KYAT1: variants seen among roughly 807,000 people sequenced by gnomAD.
KYAT1 encodes kynurenine aminotransferase 1, also known as kynurenine--oxoglutarate transaminase 1.
In KYAT1, 47 loss-of-function variants were observed where a neutral mutation model predicts 52.4. That is an observed-to-expected ratio of 0.90 (90% CI 0.71 to 1.14). KYAT1 has a LOEUF of 1.14. Ranked by LOEUF, KYAT1 falls within the 50% of genes most tolerant of loss-of-function variation. KYAT1 has a pLI of 0.00. For synonymous variants in KYAT1, 212 were observed against 209.6 expected (o/e 1.01, Z -0.10); for missense variants, 480 against 557.9 (o/e 0.86, Z 1.41).
intron 1 of KYAT1, among the ~76,000 whole-genome samples, chr9:128,850,249 A>G (rs1157879932): frequency 1.3e-5 from 2 of 152,042 alleles, no homozygotes; most frequent in African/African-American, 4.8e-5. Context: ...AGGGAAAAGA[A>G]AGAGAGATCA....
chr9:128,836,102 G>A lies in KYAT1; in HGVS notation c.689-29C>T, dbSNP rs765514088. ...CCCAAGGCCGAACAGAACAGCTGCT[G>A]AGACTGGGGTGAGGGGGACGGGGGA... On this transcript the variant is annotated intron_variant, in intron 7 of 12. Transcript: ENST00000302586. The A allele has an allele frequency of 6.2e-6, 10 of 1,608,476 alleles. No individual in the cohort carries two copies. In the African/African-American group the frequency reaches 1.1e-4, roughly 17 times the overall value.
At chr9:128,851,722 A>G (rs1833976320) in intron 1 of KYAT1, among the ~76,000 whole-genome samples, 1 of 152,246 alleles carries the variant, frequency 6.6e-6, no homozygotes. Context: ...TGTGAAGAAG[A>G]GGCAGAGACA....
chr9:128,846,213 G>A (rs1833070832), intron 1 of KYAT1, among the ~76,000 whole-genome samples: 1 of 152,210 alleles, frequency 6.6e-6, no homozygotes, highest in African/African-American at 2.4e-5. Flanking sequence ...CAGATCACCT[G>A]AGGTCAGGAG....
intron 1 of KYAT1, among the ~76,000 whole-genome samples, chr9:128,850,041 T>A (rs901601318): frequency 1.3e-5 from 2 of 151,742 alleles, no homozygotes; most frequent in African/African-American, 4.8e-5. Context: ...TGTGCCACCA[T>A]GCCTGGCTAA....
At position 128,880,754 on chromosome 9, in the gene KYAT1, T is replaced by C. The variant is rs757482384; in HGVS notation, c.-7+1143A>G. Among the ~76,000 whole-genome samples the C allele has an allele frequency of 1.3e-3, 195 of 152,094 alleles. 1 individual carries two copies. Among genetic ancestry groups the C allele is most frequent in the Non-Finnish European group, 2.1e-3 (140 of 68,028 alleles). Reference sequence around the variant, plus strand: ...ACCGCGCCCGGCCCTGGCTATGATATTGCTAAGTTTCCTAACCTCTCTAAG... The same window carrying C: ...ACCGCGCCCGGCCCTGGCTATGATACTGCTAAGTTTCCTAACCTCTCTAAG... On this transcript the variant is annotated intron_variant, in intron 1 of 12. Transcript: ENST00000302586.
At chr9:128,866,876 A>C (rs1836466687) in intron 1 of KYAT1, among the ~76,000 whole-genome samples, 1 of 151,916 alleles carries the variant, frequency 6.6e-6, no homozygotes, top group African/African-American at 2.4e-5. Flanking sequence ...ACTGCACTCC[A>C]GTCTGGGTGA....
chr9:128,843,821 C>T (rs1832635551), intron 2 of KYAT1, among the ~76,000 whole-genome samples: 1 of 152,216 alleles, frequency 6.6e-6, no homozygotes, highest in Non-Finnish European at 1.5e-5. Context: ...TTGAGACCCC[C>T]TGTACAGATT....
chr9:128,866,585 C>A (rs919348000), intron 1 of KYAT1, among the ~76,000 whole-genome samples: 3 of 151,356 alleles, frequency 2.0e-5, no homozygotes, highest in Non-Finnish European at 4.4e-5. Context: ...GGCAACAGAG[C>A]GAGACTCTGT....
At chr9:128,837,994 AAC>A in intron 5 of KYAT1, 55 bp downstream of exon 5, 1 of 1,577,122 alleles carries the variant, frequency 6.3e-7, no homozygotes, top group Non-Finnish European at 8.7e-7. Flanking sequence ...CCCAGGGTCC[AAC>A]TCAGCCCACG....
chr9:128,854,428 G>A (rs1340403642), intron 1 of KYAT1, among the ~76,000 whole-genome samples: 1 of 152,180 alleles, frequency 6.6e-6, no homozygotes, highest in Non-Finnish European at 1.5e-5. Context: ...GTGATAACGT[G>A]GGGGAGAGGT....
chr9:128,845,355 G>C lies in KYAT1; in HGVS notation c.51C>G (p.Pro17=). The part of the protein sequence containing the change: ...ARRLDGIDYN[P]WVEFVKLASE... ...CCTCCCCAGCCCAGCTGGCTCACCA[G>C]GGGTTGTAGTCGATCCCGTCTAGCC... The change falls in exon 2 of 13, where the codon CCC becomes CCG. Residue 17 remains proline, a splice_region_variant and synonymous_variant. Transcript: ENST00000302586. The C allele has an allele frequency of 6.2e-7, 1 of 1,613,852 alleles. No individual in the cohort carries two copies. Among genetic ancestry groups the C allele is most frequent in the Non-Finnish European group, 8.5e-7 (1 of 1,179,990 alleles).
At position 128,859,309 on chromosome 9, in the gene KYAT1, T is replaced by C. The variant is rs542542848; in HGVS notation, c.-6-13898A>G. 6.4e-3 allele frequency among the ~76,000 whole-genome samples: 959 copies of C among 149,074 alleles called. 7 individuals are homozygous for C. The highest frequency in any genetic ancestry group is 9.4e-3 in the Admixed American group (142 of 15,040). Reference sequence around the variant, plus strand: ...CCAGGAGGCTGAACCTGCAGTGAGCTGAGATCGCGCCACTGCACTCCAGCC... The same window carrying C: ...CCAGGAGGCTGAACCTGCAGTGAGCCGAGATCGCGCCACTGCACTCCAGCC... On this transcript the variant is annotated intron_variant, in intron 1 of 12. Transcript: ENST00000302586.
intron 1 of KYAT1, among the ~76,000 whole-genome samples, chr9:128,846,058 G>A (rs955154006): frequency 6.6e-6 from 1 of 152,184 alleles, no homozygotes; most frequent in African/African-American, 2.4e-5. Context: ...AGGGTCCCGG[G>A]GTCCTGGCTC....
intron 1 of KYAT1, among the ~76,000 whole-genome samples, chr9:128,880,246 A>G (rs1838617208): frequency 6.6e-6 from 1 of 152,102 alleles, no homozygotes; most frequent in Non-Finnish European, 1.5e-5. Flanking sequence ...CTGGGCTCTG[A>G]CCTTCAACGT....
intron 1 of KYAT1, among the ~76,000 whole-genome samples, chr9:128,859,624 C>T (rs1036339517): frequency 1.3e-5 from 2 of 150,148 alleles, no homozygotes; most frequent in African/African-American, 2.4e-5. Flanking sequence ...GAGCCGAGAT[C>T]GTGCTGGTGA....
intron 1 of KYAT1, among the ~76,000 whole-genome samples, chr9:128,879,990 G>A (rs879219214): frequency 1.3e-5 from 2 of 152,124 alleles, no homozygotes; most frequent in African/African-American, 2.4e-5. Flanking sequence ...AGCCTTCCTA[G>A]GGAGGGAGGG....
chr9:128,850,604 T>C (rs1050102362), intron 1 of KYAT1, among the ~76,000 whole-genome samples: 3 of 152,290 alleles, frequency 2.0e-5, no homozygotes, highest in South Asian at 2.1e-4. Flanking sequence ...CCCCATGTGA[T>C]AGTCTGAAAT....
rs59228092 is a variant in KYAT1 at position 128,861,027 on chromosome 9, G to A, written c.-6-15616C>T. Among the ~76,000 whole-genome samples the A allele has an allele frequency of 7.3e-3, 1,116 of 152,304 alleles. 8 individuals carry two copies. Among genetic ancestry groups the A allele is most frequent in the African/African-American group, 0.019 (789 of 41,560 alleles). ...TGGGAATTACACACAGACCCTAAGGGAACACATTCTGTTGGAACAATGGGA... is the reference window on the plus strand; with the variant it reads ...TGGGAATTACACACAGACCCTAAGGAAACACATTCTGTTGGAACAATGGGA... On this transcript the variant is annotated intron_variant, in intron 1 of 12. Transcript: ENST00000302586.
At position 128,838,211 on chromosome 9, in the gene KYAT1, C is replaced by T; in HGVS notation, c.351+7G>A. On this transcript the variant is annotated splice_region_variant and intron_variant, in intron 4 of 12. Coordinates refer to ENST00000302586, the MANE Select transcript of KYAT1 (RefSeq NM_004059.5). ...AGTCCCACTCAGCCCAAGTCTTGCCCACTCACCTCGTCTCCTTCGTCCACC... is the reference window on the plus strand; with the variant it reads ...AGTCCCACTCAGCCCAAGTCTTGCCTACTCACCTCGTCTCCTTCGTCCACC... 6.2e-7 allele frequency: 1 copy of T among 1,614,228 alleles called. No individual in the cohort carries two copies. The highest frequency in any genetic ancestry group is 8.5e-7 in the Non-Finnish European group (1 of 1,180,042).
Sources: allele counts gnomAD v4.1 joint callset (sites outside exome capture counted in the v4.1 genomes callset), GRCh38; gene constraint gnomAD v4.1.1; transcripts MANE v1.5; gene names NCBI Gene and HGNC (gene_info 2026-07-23, HGNC 2026-07-21).